The following TMEFF2 variants were observed in gnomAD, a reference collection of about 807,000 sequenced individuals.
The protein encoded by TMEFF2 is transmembrane protein with EGF like and two follistatin like domains 2.
TMEFF2 carries 28 observed loss-of-function variants against 53.8 expected under a neutral mutation model. That is an observed-to-expected ratio of 0.52 (90% CI 0.39 to 0.71). TMEFF2 has a LOEUF of 0.71. TMEFF2 is among the 30% of genes least tolerant of loss of function. The pLI is 0.00. For synonymous variants in TMEFF2, 162 were observed against 166.3 expected (o/e 0.97, Z 0.20); for missense variants, 353 against 455.2 (o/e 0.78, Z 2.04).
At chr2:192,068,503 C>T (rs906169259) in intron 4 of TMEFF2, among the ~76,000 whole-genome samples, 3 of 151,762 alleles carry the variant, frequency 2.0e-5, no homozygotes, top group African/African-American at 7.3e-5. Context: ...AAGGGAGGAG[C>T]AAAGGAGCAA....
intron 4 of TMEFF2, among the ~76,000 whole-genome samples, chr2:192,167,831 G>A (rs1690806733): frequency 6.6e-6 from 1 of 152,146 alleles, no homozygotes; most frequent in Non-Finnish European, 1.5e-5. Flanking sequence ...TCAGTAAGTT[G>A]AGGGTCATAG....
intron 4 of TMEFF2, among the ~76,000 whole-genome samples, chr2:192,130,124 AATTT>A (rs1320921471): frequency 6.6e-6 from 1 of 152,238 alleles, no homozygotes; most frequent in Admixed American, 6.5e-5. Flanking sequence ...TAACAATCTT[AATTT>A]GTCTAGTGAA....
At chr2:192,100,421 A>G (rs1439180878) in intron 4 of TMEFF2, among the ~76,000 whole-genome samples, 1 of 152,182 alleles carries the variant, frequency 6.6e-6, no homozygotes, top group Non-Finnish European at 1.5e-5. Flanking sequence ...TTCAAAGCAC[A>G]TCTTCTATAC....
intron 7 of TMEFF2, among the ~76,000 whole-genome samples, chr2:191,984,144 A>C (rs184367013): frequency 3.2e-4 from 49 of 152,268 alleles, no homozygotes; most frequent in African/African-American, 1.1e-3. Context: ...AAAGTAATAA[A>C]GGGCACTGTT....
intron 5 of TMEFF2, among the ~76,000 whole-genome samples, chr2:192,026,998 A>G (rs925618225): frequency 6.6e-6 from 1 of 152,254 alleles, no homozygotes; most frequent in Admixed American, 6.5e-5. Context: ...CAGTTTCTCC[A>G]GATATTCTCC....
intron 4 of TMEFF2, among the ~76,000 whole-genome samples, chr2:192,077,364 T>C (rs897447337): frequency 6.6e-6 from 1 of 152,152 alleles, no homozygotes; most frequent in Non-Finnish European, 1.5e-5. Flanking sequence ...ACTATAATAA[T>C]GGAAGTATAA....
intron 4 of TMEFF2, among the ~76,000 whole-genome samples, chr2:192,090,861 A>G (rs1025786703): frequency 6.6e-6 from 1 of 152,128 alleles, no homozygotes; most frequent in Non-Finnish European, 1.5e-5. Flanking sequence ...TGGATTTTTT[A>G]TAGGATAAGA....
intron 4 of TMEFF2, among the ~76,000 whole-genome samples, chr2:192,088,193 T>C (rs200161789): frequency 2.0e-5 from 1 of 51,092 alleles, no homozygotes; most frequent in East Asian, 8.0e-4. Flanking sequence ...CAAATAGTTA[T>C]TTTTTTTTTT....
intron 7 of TMEFF2, among the ~76,000 whole-genome samples, chr2:191,974,566 A>T (rs1421608254): frequency 6.6e-6 from 1 of 152,210 alleles, no homozygotes; most frequent in Admixed American, 6.5e-5. Context: ...CAACCTAAAG[A>T]AGGCCAAAAT....
intron 5 of TMEFF2, chr2:192,031,882 G>T (rs1370772451): frequency 2.0e-5 from 3 of 152,054 alleles, no homozygotes; most frequent in Non-Finnish European, 4.4e-5. Context: ...AAACATTCAA[G>T]GAAAATAATC....
intron 4 of TMEFF2, among the ~76,000 whole-genome samples, chr2:192,127,321 G>C (rs1287380600): frequency 6.6e-6 from 1 of 152,124 alleles, no homozygotes; most frequent in Admixed American, 6.6e-5. Flanking sequence ...AATTATACAG[G>C]GCTCATTAAA....
At chr2:192,166,834 A>T (rs57491048) in intron 4 of TMEFF2, among the ~76,000 whole-genome samples, 3,974 of 152,218 alleles carry the variant, frequency 0.026, 157 homozygotes, top group African/African-American at 0.089. Context: ...GTATTCTTTT[A>T]AAAAACACGT....
intron 4 of TMEFF2, among the ~76,000 whole-genome samples, chr2:192,068,587 G>A (rs1574343978): frequency 6.6e-6 from 1 of 151,878 alleles, no homozygotes; most frequent in Middle Eastern, 3.4e-3. Context: ...TTGTTTTAGT[G>A]CACTGGACTT....
intron 4 of TMEFF2, among the ~76,000 whole-genome samples, chr2:192,123,219 G>C (rs1689599839): frequency 1.3e-5 from 2 of 152,032 alleles, no homozygotes; most frequent in Admixed American, 1.3e-4. Flanking sequence ...GTATTTACTG[G>C]GGTGATATTT....
At chr2:192,077,594 G>C (rs546925388) in intron 4 of TMEFF2, among the ~76,000 whole-genome samples, 1 of 151,946 alleles carries the variant, frequency 6.6e-6, no homozygotes, top group Non-Finnish European at 1.5e-5. Context: ...CCTTCCAAGG[G>C]TGTCTTTCTT....
chr2:191,969,999 A>G (rs1692588042), intron 7 of TMEFF2, among the ~76,000 whole-genome samples: 1 of 152,216 alleles, frequency 6.6e-6, no homozygotes, highest in Non-Finnish European at 1.5e-5. Context: ...AGAATTTAAC[A>G]ACTTTTGGTA....
At position 192,075,310 on chromosome 2, in the gene TMEFF2, T is replaced by TATATAAATATATATATATATAAATATAA. The variant is rs1688397400; in HGVS notation, c.440-17536_440-17535insTTATATTTATATATATATATATTTATAT. On this transcript the variant is annotated intron_variant, in intron 4 of 9. Coordinates refer to ENST00000272771, the MANE Select transcript of TMEFF2 (RefSeq NM_016192.4). ...TTATATATATATATATATATATATA[T>TATATAAATATATATATATATAAATATAA]ATATATATATATATATATATATACA... Among the ~76,000 whole-genome samples the TATATAAATATATATATATATAAATATAA allele has an allele frequency of 6.1e-4, 46 of 74,896 alleles. 1 individual carries two copies. The highest frequency in any genetic ancestry group is 1.6e-3 in the South Asian group (4 of 2,546). 49.1% of individuals were successfully genotyped at this position (74,896 alleles called of 152,430 possible).
intron 4 of TMEFF2, among the ~76,000 whole-genome samples, chr2:192,176,519 G>C (rs1471719485): frequency 1.3e-5 from 2 of 151,394 alleles, no homozygotes. Context: ...CTTTAGGAGA[G>C]AATGCATCTT....
chr2:192,108,442 T>C (rs1272106907), intron 4 of TMEFF2, among the ~76,000 whole-genome samples: 1 of 151,994 alleles, frequency 6.6e-6, no homozygotes, highest in Non-Finnish European at 1.5e-5. Context: ...AAAAGTCTTT[T>C]TCCAGGTCAT....
Sources: gnomAD v4.1 joint callset for allele counts (sites outside exome capture counted in the v4.1 genomes callset) on GRCh38, gnomAD v4.1.1 for gene constraint, MANE v1.5 for transcripts, NCBI Gene and HGNC (gene_info 2026-07-23, HGNC 2026-07-21) for gene names.